CFAP299: variants seen among roughly 807,000 people sequenced by gnomAD.
CFAP299 encodes cilia- and flagella-associated protein 299.
Under a neutral mutation model 27.0 loss-of-function variants are expected in CFAP299, and 21 were observed. The ratio of observed to expected loss-of-function variants is 0.78; its 90% CI spans 0.55 to 1.12. CFAP299 has a LOEUF of 1.12. CFAP299 is among the 50% of genes most tolerant of loss of function. The probability of loss-of-function intolerance (pLI) is 0.00; values close to 1 mark genes in which losing one functional copy is unlikely to be tolerated. For missense variants in CFAP299, 310 were observed against 276.6 expected (o/e 1.12, Z -0.86); for synonymous variants, 104 against 98.1 (o/e 1.06, Z -0.36).
chr4:80,886,261 C>G lies in CFAP299; in HGVS notation c.476+16126C>G, dbSNP rs182084307. Among the ~76,000 whole-genome samples, 7 of 152,300 alleles carry G rather than the reference C, an allele frequency of 4.6e-5. No individual in the cohort carries two copies. In the East Asian group the frequency reaches 1.4e-3, roughly 29 times the overall value. On this transcript the variant is annotated intron_variant, in intron 4 of 5. Coordinates refer to ENST00000358105, the MANE Select transcript of CFAP299 (RefSeq NM_152770.3). ...CTCCCAGACAGCATTTCTGAATGTGCCCAGGGCCTGGGGAAACTCTTTACT... is the reference window on the plus strand; with the variant it reads ...CTCCCAGACAGCATTTCTGAATGTGGCCAGGGCCTGGGGAAACTCTTTACT...
intron 4 of CFAP299, among the ~76,000 whole-genome samples, chr4:80,882,498 C>T (rs992609239): frequency 3.3e-5 from 5 of 151,928 alleles, no homozygotes; most frequent in African/African-American, 1.2e-4. Context: ...ATTAGCCGGG[C>T]GCGGTGGCAG....
intron 3 of CFAP299, among the ~76,000 whole-genome samples, chr4:80,774,442 A>C (rs1300109326): frequency 6.6e-6 from 1 of 151,942 alleles, no homozygotes; most frequent in Non-Finnish European, 1.5e-5. Context: ...TTTTTCTGCT[A>C]CTATAAAAAA....
intron 4 of CFAP299, among the ~76,000 whole-genome samples, chr4:80,892,546 A>T (rs1734361572): frequency 6.6e-6 from 1 of 152,184 alleles, no homozygotes; most frequent in Non-Finnish European, 1.5e-5. Flanking sequence ...CAGCAAAGTA[A>T]ACAATCAACA....
intron 4 of CFAP299, among the ~76,000 whole-genome samples, chr4:80,942,694 G>A (rs747283391): frequency 5.3e-5 from 8 of 152,054 alleles, no homozygotes; most frequent in Non-Finnish European, 1.2e-4. Flanking sequence ...TGAGCAACAA[G>A]ATAGGAATGT....
chr4:80,385,423 C>T (rs147633315), intron 2 of CFAP299, among the ~76,000 whole-genome samples: 184 of 151,966 alleles, frequency 1.2e-3, no homozygotes, highest in African/African-American at 4.2e-3. Context: ...ATATGAATTA[C>T]ACTACATATA....
intron 2 of CFAP299, among the ~76,000 whole-genome samples, chr4:80,504,617 A>G (rs1413348089): frequency 6.8e-6 from 1 of 146,588 alleles, no homozygotes; most frequent in Admixed American, 6.9e-5. Flanking sequence ...ACGTTATACT[A>G]TTTTAGTTTG....
rs34119726 is a variant in CFAP299, at chr4:80,631,859, G to GCCC, written c.333+48678_333+48680dup. Reference sequence around the variant, plus strand: ...TTAGGCTATCAGTCTGAATATTTGTGCCCCACCCCCCCCCAACCAAATTCA... The same window carrying GCCC: ...TTAGGCTATCAGTCTGAATATTTGTGCCCCCCCACCCCCCCCCAACCAAATTCA... On this transcript the variant is annotated intron_variant, in intron 3 of 5. Coordinates refer to ENST00000358105, the MANE Select transcript of CFAP299 (RefSeq NM_152770.3). Among the ~76,000 whole-genome samples the GCCC allele has an allele frequency of 2.6e-3, 55 of 21,442 alleles. 7 individuals are homozygous for GCCC. The highest frequency in any genetic ancestry group is 6.9e-3 in the East Asian group (2 of 288). The allele number at this position is 21,442 out of a possible 152,430, so 14.1% of individuals were successfully genotyped here.
rs548442661 is a variant in CFAP299, at chr4:80,482,895, G to C, written c.243-100198G>C. Among the ~76,000 whole-genome samples, 3 of 152,248 alleles carry C rather than the reference G, an allele frequency of 2.0e-5. No individual in the cohort carries two copies. In the East Asian group the frequency reaches 5.8e-4, roughly 29 times the overall value. ...TAGTAGTGTATATGTAAATTCCAAA[G>C]CAGGTGCTTTAAACAGAACTGAGAT... On this transcript the variant is annotated intron_variant, in intron 2 of 5. Coordinates refer to ENST00000358105, the MANE Select transcript of CFAP299 (RefSeq NM_152770.3).
At chr4:80,730,946 CCT>C (rs1386846899) in intron 3 of CFAP299, among the ~76,000 whole-genome samples, 1 of 152,166 alleles carries the variant, frequency 6.6e-6, no homozygotes, top group Non-Finnish European at 1.5e-5. Flanking sequence ...TTTAGTCCAT[CCT>C]CTGAGAAGAC....
At chr4:80,522,009 G>A (rs925898883) in intron 2 of CFAP299, among the ~76,000 whole-genome samples, 2 of 151,874 alleles carry the variant, frequency 1.3e-5, no homozygotes, top group African/African-American at 2.4e-5. Flanking sequence ...TCATATGATA[G>A]TTCTTTTTTA....
At chr4:80,882,351 AAGTAAGGCCGGGCGC>A (rs1244605353) in intron 4 of CFAP299, among the ~76,000 whole-genome samples, 1 of 152,174 alleles carries the variant, frequency 6.6e-6, no homozygotes, top group African/African-American at 2.4e-5. Flanking sequence ...TCAAAGTGGT[AAGTAAGGCCGGGCGC>A]AGTGGCTCAC....
At chr4:80,800,519 T>C (rs1267600954) in intron 3 of CFAP299, among the ~76,000 whole-genome samples, 1 of 27,696 alleles carries the variant, frequency 3.6e-5, no homozygotes, top group South Asian at 1.3e-3. Flanking sequence ...TAATATATAA[T>C]ATATAATATA....
At chr4:80,458,012 A>G (rs1010664322) in intron 2 of CFAP299, among the ~76,000 whole-genome samples, 1 of 152,102 alleles carries the variant, frequency 6.6e-6, no homozygotes, top group Non-Finnish European at 1.5e-5. Flanking sequence ...CCTGGATCTT[A>G]GTTTTACTTG....
chr4:80,349,098 C>A (rs75482215), intron 1 of CFAP299, among the ~76,000 whole-genome samples: 10,208 of 152,156 alleles, frequency 0.067, 363 homozygotes, highest in Middle Eastern at 0.18. Context: ...CGTGACCCTG[C>A]CTGCCATACA....
rs534403516 is a variant in CFAP299 at position 80,525,008 on chromosome 4, T to C, written c.243-58085T>C. Among the ~76,000 whole-genome samples the C allele has an allele frequency of 2.0e-4, 30 of 152,292 alleles. No individual in the cohort carries two copies. The South Asian group carries it at 6.0e-3, about 30-fold the overall frequency. On this transcript the variant is annotated intron_variant, in intron 2 of 5. Transcript: ENST00000358105. ...GACAAGGCCCTGGCTTTTTGCTGGCTGTTAGATAGAGGTTGTCCTCAGATC... is the reference window on the plus strand; with the variant it reads ...GACAAGGCCCTGGCTTTTTGCTGGCCGTTAGATAGAGGTTGTCCTCAGATC...
Position 80,500,246 on chromosome 4 carries a change from G to A in CFAP299, c.243-82847G>A, listed in dbSNP as rs532998278. The stretch of plus-strand genomic sequence containing the variant: ...TAAGAAGAAATTCTCAGAAGATGGT[G>A]GAATACCATCAGAGAAAGGCATTCT... On this transcript the variant is annotated intron_variant, in intron 2 of 5. Transcript: ENST00000358105. 6.4e-4 allele frequency among the ~76,000 whole-genome samples: 98 copies of A among 152,156 alleles called. 1 individual carries two copies. Among genetic ancestry groups the A allele is most frequent in the African/African-American group, 2.2e-3 (92 of 41,528 alleles).
intron 3 of CFAP299, chr4:80,608,384 G>C: frequency 6.6e-7 from 1 of 1,523,388 alleles, no homozygotes; most frequent in South Asian, 1.2e-5. Flanking sequence ...GCAACTGGCA[G>C]TAAGTACTGC....
intron 2 of CFAP299, among the ~76,000 whole-genome samples, chr4:80,578,664 C>T (rs1196430204): frequency 1.3e-5 from 2 of 152,096 alleles, no homozygotes; most frequent in African/African-American, 4.8e-5. Flanking sequence ...CTTTAGACCA[C>T]AAGTTTTACA....
At chr4:80,383,153 G>A (rs1216644021) in intron 2 of CFAP299, among the ~76,000 whole-genome samples, 1 of 152,020 alleles carries the variant, frequency 6.6e-6, no homozygotes, top group Non-Finnish European at 1.5e-5. Context: ...ACACAAAGAG[G>A]GGAATGACAG....
Sources: allele counts gnomAD v4.1 joint callset (sites outside exome capture counted in the v4.1 genomes callset), GRCh38; gene constraint gnomAD v4.1.1; transcripts MANE v1.5; gene names NCBI Gene and HGNC (gene_info 2026-07-23, HGNC 2026-07-21).